Variants in ATP10B observed in about 807,000 individuals in gnomAD.
ATP10B encodes the protein ATPase phospholipid transporting 10B (putative).
In ATP10B, 122 loss-of-function variants were observed where a neutral mutation model predicts 141.2. That is an observed-to-expected ratio of 0.86 (90% CI 0.75 to 1.00). The LOEUF (loss-of-function observed/expected upper bound fraction) is 1.00, where lower values mean the gene tolerates loss of function less well. ATP10B is among the 50% of genes least tolerant of loss of function. The pLI, the probability that ATP10B is intolerant of heterozygous loss-of-function variation, is 0.00. For synonymous variants in ATP10B, 685 were observed against 692.0 expected (o/e 0.99, Z 0.16); for missense variants, 1,876 against 1,825.3 (o/e 1.03, Z -0.51).
At chr5:160,597,855 C>T (rs1756820762) in intron 22 of ATP10B, among the ~76,000 whole-genome samples, 1 of 151,996 alleles carries the variant, frequency 6.6e-6, no homozygotes. Context: ...TACCATCTCA[C>T]ACCAGTTAGA....
At chr5:160,609,998 T>C (rs956035581) in intron 18 of ATP10B, among the ~76,000 whole-genome samples, 18 of 152,172 alleles carry the variant, frequency 1.2e-4, no homozygotes, top group Admixed American at 2.6e-4. Context: ...ATACAATAAT[T>C]ACCATTCACT....
At position 160,785,669 on chromosome 5, in the gene ATP10B, A is replaced by G; in HGVS notation, c.-441T>C. The G allele has an allele frequency of 7.8e-7, 1 of 1,287,936 alleles. No individual in the cohort carries two copies. 79.8% of individuals were successfully genotyped at this position (1,287,936 alleles called of 1,614,324 possible). On this transcript the variant is annotated 5_prime_UTR_variant, in exon 2 of 26. It removes an upstream start codon present in the reference 5' UTR. Transcript: ENST00000327245. ...CATGTGTAAGAAATGGTAGTTTCTC[A>G]TCTTGGCAGTGGAGAGGAGTTCATT...
intron 1 of ATP10B, among the ~76,000 whole-genome samples, chr5:160,806,847 C>T (rs1772808943): frequency 6.6e-6 from 1 of 152,180 alleles, no homozygotes; most frequent in Non-Finnish European, 1.5e-5. Context: ...ATATGCCATC[C>T]TGCCTTCTAG....
chr5:160,648,471 T>A (rs1325826118), intron 8 of ATP10B, among the ~76,000 whole-genome samples: 1 of 152,192 alleles, frequency 6.6e-6, no homozygotes, highest in South Asian at 2.1e-4. Context: ...TTTACTCACA[T>A]CTGTTACTAT....
chr5:160,659,401 G>T (rs943906449), intron 7 of ATP10B, among the ~76,000 whole-genome samples: 1 of 152,084 alleles, frequency 6.6e-6, no homozygotes, highest in Non-Finnish European at 1.5e-5. Context: ...GGAGGCAGAG[G>T]TTGCAGTGAG....
At chr5:160,679,338 A>G (rs924852120) in intron 6 of ATP10B, among the ~76,000 whole-genome samples, 2 of 152,262 alleles carry the variant, frequency 1.3e-5, no homozygotes, top group Non-Finnish European at 2.9e-5. Flanking sequence ...TATAATCTAT[A>G]TTATTCTTCC....
At chr5:160,582,895 A>C (rs1561624454) in intron 24 of ATP10B, among the ~76,000 whole-genome samples, 1 of 152,136 alleles carries the variant, frequency 6.6e-6, no homozygotes, top group Admixed American at 6.6e-5. Context: ...TGTATGCTTC[A>C]CAAAGTTCCC....
chr5:160,571,762 A>C (rs1183991080), intron 24 of ATP10B, among the ~76,000 whole-genome samples: 2 of 152,158 alleles, frequency 1.3e-5, no homozygotes, highest in African/African-American at 4.8e-5. Flanking sequence ...CATAGGTGAA[A>C]GTTTGGCTCA....
At chr5:160,819,813 C>T (rs377224215) in intron 1 of ATP10B, among the ~76,000 whole-genome samples, 8 of 151,660 alleles carry the variant, frequency 5.3e-5, no homozygotes, top group African/African-American at 1.9e-4. Flanking sequence ...CACCCTAAAT[C>T]AAAAAACATA....
At chr5:160,771,981 G>A (rs149365804) in intron 2 of ATP10B, among the ~76,000 whole-genome samples, 12 of 152,388 alleles carry the variant, frequency 7.9e-5, no homozygotes, top group Non-Finnish European at 1.5e-4. Context: ...AATCGGGGAA[G>A]CCCCTCCAAG....
At chr5:160,603,121 G>A (rs73304688) in intron 20 of ATP10B, 3,394 of 169,296 alleles carry the variant, frequency 0.02, 112 homozygotes, top group African/African-American at 0.073. Context: ...GGAGCTAAGT[G>A]ACAGCTCTTC....
chr5:160,888,253 T>C, the ATP10B span, among the ~76,000 whole-genome samples: 890 of 152,194 alleles, frequency 5.8e-3, 8 homozygotes, highest in African/African-American at 0.02. Flanking sequence ...TGCTGAGAAA[T>C]TAATGAGCTT....
the ATP10B span, among the ~76,000 whole-genome samples, chr5:160,921,440 C>A: frequency 1.3e-5 from 2 of 152,096 alleles, no homozygotes; most frequent in Non-Finnish European, 2.9e-5. Flanking sequence ...GTTGTGCAAC[C>A]ATCACTACCA....
At chr5:160,612,706 A>G (rs747699003) in intron 18 of ATP10B, 35 bp downstream of exon 18, 11 of 1,575,778 alleles carry the variant, frequency 7.0e-6, no homozygotes, top group Middle Eastern at 1.7e-4. Flanking sequence ...CTACACGTTG[A>G]TATCTGCAGA....
intron 3 of ATP10B, among the ~76,000 whole-genome samples, chr5:160,715,587 C>T (rs889359410): frequency 6.6e-6 from 1 of 151,794 alleles, no homozygotes; most frequent in African/African-American, 2.4e-5. Context: ...GCGTCGCTCA[C>T]GCTGGGAGCT....
chr5:160,671,312 G>A (rs1321363194), intron 6 of ATP10B, among the ~76,000 whole-genome samples: 3 of 152,050 alleles, frequency 2.0e-5, no homozygotes, highest in African/African-American at 4.8e-5. Context: ...TAAAGGAGAA[G>A]GTAACTGTAT....
chr5:160,671,811 A>T (rs977819578), intron 6 of ATP10B, among the ~76,000 whole-genome samples: 35 of 151,962 alleles, frequency 2.3e-4, no homozygotes, highest in African/African-American at 8.4e-4. Flanking sequence ...GTCAAAAGAA[A>T]TTTTTCAAAG....
At position 160,565,389 on chromosome 5, in the gene ATP10B, C is replaced by T; in HGVS notation, c.*64G>A. 1.3e-6 allele frequency: 2 copies of T among 1,506,494 alleles called. No homozygotes were observed. Among genetic ancestry groups the T allele is most frequent in the South Asian group, 2.4e-5 (2 of 82,998 alleles). The allele number at this position is 1,506,494 out of a possible 1,614,324, so 93.3% of individuals were successfully genotyped here. A position where few individuals can be genotyped will look rare whatever the true frequency, so the allele number is the denominator to read the frequency against. ...GTTTCCTCTATGAAGAAGAAGGGGT[C>T]AAGGGTTATGTGGACCAGTGACTAG... On this transcript the variant is annotated 3_prime_UTR_variant, in exon 26 of 26. Transcript: ENST00000327245.
At chr5:160,927,622 A>G in the ATP10B span, among the ~76,000 whole-genome samples, 3 of 152,196 alleles carry the variant, frequency 2.0e-5, no homozygotes, top group Admixed American at 6.5e-5. Context: ...GGTGGTCATG[A>G]TATCTCCTGT....
Sources: gnomAD v4.1 joint callset for allele counts (sites outside exome capture counted in the v4.1 genomes callset) on GRCh38, gnomAD v4.1.1 for gene constraint, MANE v1.5 for transcripts, NCBI Gene and HGNC (gene_info 2026-07-23, HGNC 2026-07-21) for gene names.